The following LRRTM4 variants were observed in gnomAD, a reference collection of about 807,000 sequenced individuals.
LRRTM4 encodes leucine rich repeat transmembrane neuronal 4.
A neutral mutation model predicts 47.6 loss-of-function variants in LRRTM4; 25 were observed. That is an observed-to-expected ratio of 0.53 (90% CI 0.38 to 0.73). The LOEUF (loss-of-function observed/expected upper bound fraction) is 0.73. Among genes scored for constraint, LRRTM4 ranks in the 30% least tolerant of loss-of-function variants. LRRTM4 has a pLI of 0.00. For missense variants in LRRTM4, 638 were observed against 713.4 expected (o/e 0.89, Z 1.20); for synonymous variants, 311 against 269.5 (o/e 1.15, Z -1.51).
intron 3 of LRRTM4, among the ~76,000 whole-genome samples, chr2:76,936,246 T>G (rs910405431): frequency 6.6e-6 from 1 of 152,140 alleles, no homozygotes; most frequent in Non-Finnish European, 1.5e-5. Flanking sequence ...TACCATGGAC[T>G]ACTATGCAGC....
intron 3 of LRRTM4, among the ~76,000 whole-genome samples, chr2:77,031,985 C>T (rs751640285): frequency 5.3e-5 from 8 of 152,134 alleles, no homozygotes; most frequent in Non-Finnish European, 1.0e-4. Flanking sequence ...CTCATTTCTT[C>T]GCAAATCAAA....
At chr2:76,846,618 C>A (rs1242107984) in intron 3 of LRRTM4, among the ~76,000 whole-genome samples, 1 of 151,962 alleles carries the variant, frequency 6.6e-6, no homozygotes, top group Non-Finnish European at 1.5e-5. Flanking sequence ...CTCACTTAAT[C>A]AAAAATATAT....
intron 3 of LRRTM4, among the ~76,000 whole-genome samples, chr2:77,499,693 G>A (rs1229434688): frequency 2.6e-5 from 4 of 151,866 alleles, no homozygotes; most frequent in African/African-American, 7.2e-5. Context: ...GTCCAGCATA[G>A]TGCTAAAATT....
rs1365550397 is a variant in LRRTM4, at chr2:76,968,350, A to ATGTG, written c.1552-219435_1552-219434insCACA. ...AAAGTGTGTATGTGTGTATATATATATATATATATATATATATATATATAT... is the reference window on the plus strand; with the variant it reads ...AAAGTGTGTATGTGTGTATATATATATGTGTATATATATATATATATATATATAT... On this transcript the variant is annotated intron_variant, in intron 3 of 3. Coordinates refer to ENST00000409884, the MANE Select transcript of LRRTM4 (RefSeq NM_001134745.3). 7.0e-3 allele frequency among the ~76,000 whole-genome samples: 725 copies of ATGTG among 103,548 alleles called. 10 individuals carry two copies. In the East Asian group the frequency reaches 0.077, roughly 11 times the overall value. 67.9% of individuals were successfully genotyped at this position (103,548 alleles called of 152,430 possible).
Position 77,141,459 on chromosome 2 carries a change from C to T in LRRTM4, c.1551+376859G>A, listed in dbSNP as rs141702264. On this transcript the variant is annotated intron_variant, in intron 3 of 3. Coordinates refer to ENST00000409884, the MANE Select transcript of LRRTM4 (RefSeq NM_001134745.3). ...ACACAGGAGGGGGAACATCACACAC[C>T]GTGGCCTGTCATGGGGTGGGGGGAG... 3.4e-3 allele frequency among the ~76,000 whole-genome samples: 393 copies of T among 115,560 alleles called. 2 individuals are homozygous for T. The highest frequency in any genetic ancestry group is 0.022 in the Middle Eastern group (3 of 136). The allele number at this position is 115,560 out of a possible 152,430, so 75.8% of individuals were successfully genotyped here.
At chr2:77,348,122 G>A (rs1671635739) in intron 3 of LRRTM4, among the ~76,000 whole-genome samples, 1 of 151,618 alleles carries the variant, frequency 6.6e-6, no homozygotes, top group African/African-American at 2.4e-5. Flanking sequence ...CTGCAGGGCT[G>A]GAAAATAGTC....
In LRRTM4 at chr2:76,812,984, T is replaced by C. The variant is rs1313185462; in HGVS notation, c.1552-64068A>G. Among the ~76,000 whole-genome samples the C allele has an allele frequency of 3.9e-5, 6 of 151,900 alleles. No homozygotes were observed. The East Asian group carries it at 1.2e-3, about 29-fold the overall frequency. On this transcript the variant is annotated intron_variant, in intron 3 of 3. Coordinates refer to ENST00000409884, the MANE Select transcript of LRRTM4 (RefSeq NM_001134745.3). ...AAAAAAGACTCCTCAACCAATATGG[T>C]GAAACCCTGTCTCTACTAAAAATAC...
chr2:76,965,671 T>C (rs1436891905), intron 3 of LRRTM4, among the ~76,000 whole-genome samples: 1 of 151,382 alleles, frequency 6.6e-6, no homozygotes, highest in Non-Finnish European at 1.5e-5. Context: ...TGAGTAATTC[T>C]TGGTTCTACT....
At position 77,367,263 on chromosome 2, in the gene LRRTM4, C is replaced by T. The variant is rs763490943; in HGVS notation, c.1551+151055G>A. On this transcript the variant is annotated intron_variant, in intron 3 of 3. Transcript: ENST00000409884. ...CCCAAATAGGTTTCCATGGCACTCA[C>T]ACATATTGGTGTCATTATTTGATTT... 1.0e-4 allele frequency among the ~76,000 whole-genome samples: 14 copies of T among 139,506 alleles called. No homozygotes were observed. In the South Asian group the frequency reaches 1.6e-3, roughly 16 times the overall value. The allele number at this position is 139,506 out of a possible 152,430, so 91.5% of individuals were successfully genotyped here. A position where few individuals can be genotyped will look rare whatever the true frequency, so the allele number is the denominator to read the frequency against.
intron 3 of LRRTM4, among the ~76,000 whole-genome samples, chr2:77,066,364 A>G (rs1679954085): frequency 6.6e-6 from 1 of 152,238 alleles, no homozygotes; most frequent in Non-Finnish European, 1.5e-5. Flanking sequence ...TGTAGTAAAC[A>G]TTGTAAAAAC....
At chr2:77,421,200 G>A (rs1171061346) in intron 3 of LRRTM4, among the ~76,000 whole-genome samples, 3 of 152,070 alleles carry the variant, frequency 2.0e-5, no homozygotes, top group Non-Finnish European at 2.9e-5. Context: ...GAGTTATTAC[G>A]TCTCCTCTAA....
At chr2:77,477,515 AC>A (rs1314686007) in intron 3 of LRRTM4, among the ~76,000 whole-genome samples, 1 of 152,066 alleles carries the variant, frequency 6.6e-6, no homozygotes, top group Non-Finnish European at 1.5e-5. Flanking sequence ...ATTGCTATAT[AC>A]TATTTGAAAG....
intron 3 of LRRTM4, among the ~76,000 whole-genome samples, chr2:77,421,524 G>C (rs1456443611): frequency 6.6e-6 from 1 of 152,104 alleles, no homozygotes; most frequent in East Asian, 1.9e-4. Flanking sequence ...TGGCTAACAC[G>C]GTGAAACCCC....
intron 3 of LRRTM4, among the ~76,000 whole-genome samples, chr2:77,503,950 T>C (rs898708409): frequency 2.6e-5 from 4 of 151,676 alleles, no homozygotes; most frequent in African/African-American, 9.7e-5. Flanking sequence ...TGGGCTCTAA[T>C]GACACATGAT....
intron 3 of LRRTM4, among the ~76,000 whole-genome samples, chr2:77,301,046 C>G (rs1180201395): frequency 6.6e-6 from 1 of 151,648 alleles, no homozygotes; most frequent in Non-Finnish European, 1.5e-5. Flanking sequence ...CATGCTATAT[C>G]TCTTTTAAAG....
intron 3 of LRRTM4, among the ~76,000 whole-genome samples, chr2:77,449,499 T>C (rs749678187): frequency 3.9e-5 from 6 of 152,162 alleles, no homozygotes; most frequent in Non-Finnish European, 7.4e-5. Context: ...GAATCTCCCA[T>C]CTCATGAGAT....
intron 3 of LRRTM4, among the ~76,000 whole-genome samples, chr2:77,361,664 TA>T (rs961260426): frequency 5.9e-5 from 9 of 152,092 alleles, no homozygotes; most frequent in Non-Finnish European, 1.2e-4. Context: ...TAAAAATAAA[TA>T]CAAATAGACA....
intron 3 of LRRTM4, among the ~76,000 whole-genome samples, chr2:77,479,149 GC>G (rs1677552868): frequency 6.6e-6 from 1 of 152,064 alleles, no homozygotes; most frequent in Non-Finnish European, 1.5e-5. Context: ...ACCTGTCTCG[GC>G]CCCCCAGAGT....
intron 3 of LRRTM4, among the ~76,000 whole-genome samples, chr2:77,067,451 C>T (rs1679992615): frequency 6.6e-6 from 1 of 151,910 alleles, no homozygotes; most frequent in Admixed American, 6.6e-5. Flanking sequence ...GGAGAGCCTC[C>T]ACTCAGGCAG....
Sources: allele counts gnomAD v4.1 joint callset (sites outside exome capture counted in the v4.1 genomes callset), GRCh38; gene constraint gnomAD v4.1.1; transcripts MANE v1.5; gene names NCBI Gene and HGNC (gene_info 2026-07-23, HGNC 2026-07-21).